The following KIRREL3 variants were observed in gnomAD, a reference collection of about 807,000 sequenced individuals.
The protein encoded by KIRREL3 is kin of IRRE-like protein 3.
KIRREL3 carries 36 observed loss-of-function variants against 89.7 expected under a neutral mutation model. The ratio of observed to expected loss-of-function variants is 0.40; its 90% CI spans 0.31 to 0.53. KIRREL3 has a LOEUF of 0.53. Among genes scored for constraint, KIRREL3 ranks in the 20% least tolerant of loss-of-function variants. The probability of loss-of-function intolerance (pLI) is 0.49; values close to 1 mark genes in which losing one functional copy is unlikely to be tolerated. For synonymous variants in KIRREL3, 445 were observed against 441.4 expected, an observed-to-expected ratio of 1.01 and a Z score of -0.10; for missense variants, 864 against 1,056.6, an observed-to-expected ratio of 0.82 and a Z score of 2.53.
At chr11:126,945,009 C>T (rs1948577035) in intron 1 of KIRREL3, 1 of 152,262 alleles carries the variant, frequency 6.6e-6, no homozygotes, top group African/African-American at 2.4e-5. Context: ...GCTTGCACCT[C>T]TTTGCTGTCC....
Position 126,614,667 on chromosome 11 carries a change from A to G in KIRREL3, c.56-51755T>C, listed in dbSNP as rs1374144494. Among the ~76,000 whole-genome samples, 3 of 152,184 alleles carry G rather than the reference A, an allele frequency of 2.0e-5. No homozygotes were observed. Among genetic ancestry groups the G allele is most frequent in the Non-Finnish European group, 4.4e-5 (3 of 68,026 alleles). On this transcript the variant is annotated intron_variant, in intron 1 of 16. Coordinates refer to ENST00000525144, the MANE Select transcript of KIRREL3 (RefSeq NM_032531.4). The surrounding 1 kb of genome is among the most constrained non-coding windows in gnomAD (Gnocchi z 4.6). ...GGTTCCTCAGTGTTATGAGCTGGGCAGTGATGTCAGTCCAGCCAAGGCTGG... is the reference window on the plus strand; with the variant it reads ...GGTTCCTCAGTGTTATGAGCTGGGCGGTGATGTCAGTCCAGCCAAGGCTGG...
Position 126,780,666 on chromosome 11 carries a change from C to T in KIRREL3, c.56-217754G>A, listed in dbSNP as rs115933794. ...CCCACATCTGGCAACAGATCCATCT[C>T]CTTGAGACACAAGCCAGGCCACCTG... On this transcript the variant is annotated intron_variant, in intron 1 of 16. Transcript: ENST00000525144. The surrounding 1 kb of genome is among the most constrained non-coding windows in gnomAD (Gnocchi z 5.3). 3.2e-3 allele frequency among the ~76,000 whole-genome samples: 486 copies of T among 152,302 alleles called. 1 individual carries two copies. The highest frequency in any genetic ancestry group is 0.01 in the African/African-American group (421 of 41,572).
In KIRREL3 at chr11:126,429,178, C is replaced by T. The variant is rs1317828348; in HGVS notation, c.1806+1G>A. 1 of 1,600,800 alleles carries T rather than the reference C, an allele frequency of 6.2e-7. No individual in the cohort carries two copies. The highest frequency in any genetic ancestry group is 8.6e-7 in the Non-Finnish European group (1 of 1,168,112). On this transcript the variant is annotated splice_donor_variant, in intron 15 of 16. Coordinates refer to ENST00000525144, the MANE Select transcript of KIRREL3 (RefSeq NM_032531.4). LOFTEE classifies it high-confidence loss of function. The surrounding 1 kb of genome is among the most constrained non-coding windows in gnomAD (Gnocchi z 5.2). Reference sequence around the variant, plus strand: ...GGGATGGGGCGTAATTGCATTCTTACCATCAGCTGCTTGATGGTGGAGTGC... The same window carrying T: ...GGGATGGGGCGTAATTGCATTCTTATCATCAGCTGCTTGATGGTGGAGTGC...
intron 1 of KIRREL3, among the ~76,000 whole-genome samples, chr11:126,626,666 C>G (rs1253078007): frequency 1.3e-5 from 2 of 152,196 alleles, no homozygotes; most frequent in African/African-American, 4.8e-5. Context: ...CCACCGGTGC[C>G]TATCAGCCCG....
At chr11:126,633,302 A>G (rs1944125424) in intron 1 of KIRREL3, among the ~76,000 whole-genome samples, 1 of 152,114 alleles carries the variant, frequency 6.6e-6, no homozygotes, top group Non-Finnish European at 1.5e-5. Context: ...ACGTATCCCT[A>G]TGGAACAAAC....
rs979946517 is a variant in KIRREL3 at position 126,606,298 on chromosome 11, G to C, written c.56-43386C>G. Among the ~76,000 whole-genome samples the C allele has an allele frequency of 1.3e-5, 2 of 152,102 alleles. No individual in the cohort carries two copies. Among genetic ancestry groups the C allele is most frequent in the Admixed American group, 1.3e-4 (2 of 15,264 alleles). On this transcript the variant is annotated intron_variant, in intron 1 of 16. Transcript: ENST00000525144. The surrounding 1 kb of genome is among the most constrained non-coding windows in gnomAD (Gnocchi z 4.6). ...GATCTGGAGTGTGGGTTTGGATTTC[G>C]GGTGTATCACTTACTAGCTGTGTCA...
At chr11:126,759,636 G>T (rs1440051826) in intron 1 of KIRREL3, among the ~76,000 whole-genome samples, 1 of 152,186 alleles carries the variant, frequency 6.6e-6, no homozygotes, top group Admixed American at 6.5e-5. Context: ...TTTCTAGAGG[G>T]ACAAGCTCAT....
intron 1 of KIRREL3, among the ~76,000 whole-genome samples, chr11:126,856,280 C>T (rs1010091838): frequency 1.3e-5 from 2 of 152,084 alleles, no homozygotes; most frequent in South Asian, 4.1e-4. Flanking sequence ...AACAATCTGT[C>T]TACCTCTCAG....
Position 126,685,512 on chromosome 11 carries a change from ATAAT to A in KIRREL3, c.56-122604_56-122601del, listed in dbSNP as rs1048233746. On this transcript the variant is annotated intron_variant, in intron 1 of 16. Transcript: ENST00000525144. This position sits in a 1 kb window ranked among gnomAD's most constrained non-coding sequence, Gnocchi z 5.5. Reference sequence around the variant, plus strand: ...CCCCCAGTGCATAATAATAGCAGTGATAATTAATAATCTATAGTTAATGAGATTA... The same window carrying A: ...CCCCCAGTGCATAATAATAGCAGTGATAATAATCTATAGTTAATGAGATTA... Among the ~76,000 whole-genome samples the A allele has an allele frequency of 2.0e-5, 3 of 152,200 alleles. No homozygotes were observed. Among genetic ancestry groups the A allele is most frequent in the Admixed American group, 1.3e-4 (2 of 15,274 alleles).
chr11:126,449,419 G>A (rs1955941768), intron 7 of KIRREL3, among the ~76,000 whole-genome samples: 2 of 152,364 alleles, frequency 1.3e-5, no homozygotes, highest in South Asian at 2.1e-4. Flanking sequence ...CAACAAGTGG[G>A]TTATTCTGGA....
rs1003274819 is a variant in KIRREL3, at chr11:126,609,414, C to A, written c.56-46502G>T. 1.8e-4 allele frequency among the ~76,000 whole-genome samples: 28 copies of A among 152,138 alleles called. No homozygotes were observed. Among genetic ancestry groups the A allele is most frequent in the African/African-American group, 6.8e-4 (28 of 41,436 alleles). On this transcript the variant is annotated intron_variant, in intron 1 of 16. Coordinates refer to ENST00000525144, the MANE Select transcript of KIRREL3 (RefSeq NM_032531.4). The surrounding 1 kb of genome is among the most constrained non-coding windows in gnomAD (Gnocchi z 5.0). Reference sequence around the variant, plus strand: ...GAGTATGACAACTGTGGTTAAGCAACCAGAGTTATTCCTGCCTCGGGACAT... The same window carrying A: ...GAGTATGACAACTGTGGTTAAGCAAACAGAGTTATTCCTGCCTCGGGACAT...
At chr11:126,856,969 T>C (rs1248163468) in intron 1 of KIRREL3, among the ~76,000 whole-genome samples, 1 of 152,116 alleles carries the variant, frequency 6.6e-6, no homozygotes, top group Non-Finnish European at 1.5e-5. Flanking sequence ...TTACCTAACA[T>C]TATAGCATGA....
At chr11:126,831,007 G>C (rs1943585285) in intron 1 of KIRREL3, among the ~76,000 whole-genome samples, 1 of 152,188 alleles carries the variant, frequency 6.6e-6, no homozygotes, top group Non-Finnish European at 1.5e-5. Flanking sequence ...ATAGCAGTTA[G>C]GAGCATGGAC....
chr11:126,689,226 G>A lies in KIRREL3; in HGVS notation c.56-126314C>T, dbSNP rs545367134. Among the ~76,000 whole-genome samples the A allele has an allele frequency of 2.6e-5, 4 of 152,266 alleles. No individual in the cohort carries two copies. The highest frequency in any genetic ancestry group is 1.9e-4 in the East Asian group (1 of 5,180). On this transcript the variant is annotated intron_variant, in intron 1 of 16. Transcript: ENST00000525144. This position sits in a 1 kb window ranked among gnomAD's most constrained non-coding sequence, Gnocchi z 5.2. Reference sequence around the variant, plus strand: ...AATCCTGGAAATAGTTAAGAAAGACGATTTTCCAATGGCCAATACCTTCTC... The same window carrying A: ...AATCCTGGAAATAGTTAAGAAAGACAATTTTCCAATGGCCAATACCTTCTC...
intron 7 of KIRREL3, among the ~76,000 whole-genome samples, chr11:126,450,803 G>C (rs1449621576): frequency 6.6e-6 from 1 of 151,556 alleles, no homozygotes; most frequent in African/African-American, 2.4e-5. Context: ...GTGTGTGTCT[G>C]CATGTGAAAG....
At position 126,798,183 on chromosome 11, in the gene KIRREL3, T is replaced by G. The variant is rs181400035; in HGVS notation, c.55+202272A>C. On this transcript the variant is annotated intron_variant, in intron 1 of 16. Coordinates refer to ENST00000525144, the MANE Select transcript of KIRREL3 (RefSeq NM_032531.4). Reference sequence around the variant, plus strand: ...TCCCTGATTCATGAGCCCCCAAGGGTGGCCTGGAGAGGCCACCAGGTGGCC... The same window carrying G: ...TCCCTGATTCATGAGCCCCCAAGGGGGGCCTGGAGAGGCCACCAGGTGGCC... 4.7e-4 allele frequency among the ~76,000 whole-genome samples: 7 copies of G among 14,758 alleles called. No homozygotes were observed. In the East Asian group the frequency reaches 0.016, roughly 34 times the overall value. The allele number at this position is 14,758 out of a possible 152,430, so 9.7% of individuals were successfully genotyped here.
rs148296623 is a variant in KIRREL3 at position 126,983,621 on chromosome 11, G to A, written c.55+16834C>T. ...GAGTGAAGGGAGGAAGGGGCCACGAGCCAAGGAGTGTAGGCACTCTGCCTC... is the reference window on the plus strand; with the variant it reads ...GAGTGAAGGGAGGAAGGGGCCACGAACCAAGGAGTGTAGGCACTCTGCCTC... On this transcript the variant is annotated intron_variant, in intron 1 of 16. Coordinates refer to ENST00000525144, the MANE Select transcript of KIRREL3 (RefSeq NM_032531.4). The surrounding 1 kb of genome is among the most constrained non-coding windows in gnomAD (Gnocchi z 4.9). Among the ~76,000 whole-genome samples, 277 of 152,242 alleles carry A rather than the reference G, an allele frequency of 1.8e-3. No individual in the cohort carries two copies. Among genetic ancestry groups the A allele is most frequent in the African/African-American group, 6.3e-3 (262 of 41,548 alleles).
intron 1 of KIRREL3, among the ~76,000 whole-genome samples, chr11:126,672,429 T>C (rs138388005): frequency 2.6e-4 from 40 of 152,306 alleles, no homozygotes; most frequent in African/African-American, 9.1e-4. Flanking sequence ...GGCGACAACA[T>C]GGATGTATCT....
At chr11:126,975,652 G>C (rs530427564) in intron 1 of KIRREL3, among the ~76,000 whole-genome samples, 1 of 152,240 alleles carries the variant, frequency 6.6e-6, no homozygotes, top group Admixed American at 6.5e-5. Flanking sequence ...AGTCACCTGG[G>C]ATGGTAGTTC....
Sources: allele counts gnomAD v4.1 joint callset (sites outside exome capture counted in the v4.1 genomes callset), GRCh38; gene constraint gnomAD v4.1.1; non-coding constraint Gnocchi (gnomAD v3.1); transcripts MANE v1.5; gene names NCBI Gene and HGNC (gene_info 2026-07-23, HGNC 2026-07-21).